Variants in CHST11 observed in about 807,000 individuals in gnomAD.
CHST11 encodes the protein carbohydrate sulfotransferase 11.
Under a neutral mutation model 30.4 loss-of-function variants are expected in CHST11, and 9 were observed. The ratio of observed to expected loss-of-function variants is 0.30; its 90% CI spans 0.18 to 0.52. CHST11 has a LOEUF of 0.52. Among genes scored for constraint, CHST11 ranks in the 20% least tolerant of loss-of-function variants. The probability of loss-of-function intolerance (pLI) is 0.97; values close to 1 mark genes in which losing one functional copy is unlikely to be tolerated. For synonymous variants in CHST11, 152 were observed against 187.8 expected (o/e 0.81, Z 1.56); for missense variants, 348 against 460.6 (o/e 0.76, Z 2.24).
chr12:104,720,105 C>T lies in CHST11; in HGVS notation c.205-36844C>T, dbSNP rs118169909. On this transcript the variant is annotated intron_variant, in intron 2 of 2. Coordinates refer to ENST00000303694, the MANE Select transcript of CHST11 (RefSeq NM_018413.6). ...TTGAATAAGTGGACTTGTCTAGTTTCGTAAACATTGCTGGCGGCATCCGGA... is the reference window on the plus strand; with the variant it reads ...TTGAATAAGTGGACTTGTCTAGTTTTGTAAACATTGCTGGCGGCATCCGGA... Among the ~76,000 whole-genome samples, 533 of 152,330 alleles carry T rather than the reference C, an allele frequency of 3.5e-3. 3 individuals are homozygous for T. The highest frequency in any genetic ancestry group is 4.4e-3 in the Admixed American group (68 of 15,300).
chr12:104,504,550 G>A (rs1023940007), intron 1 of CHST11, among the ~76,000 whole-genome samples: 1 of 152,226 alleles, frequency 6.6e-6, no homozygotes, highest in African/African-American at 2.4e-5. Context: ...GTAGGGAGGA[G>A]GCCTGGGGCA....
At chr12:104,620,136 G>A (rs892609219) in intron 2 of CHST11, among the ~76,000 whole-genome samples, 3 of 152,160 alleles carry the variant, frequency 2.0e-5, no homozygotes, top group Non-Finnish European at 4.4e-5. Flanking sequence ...CTTGAGACAT[G>A]TCCCCTAAAG....
At chr12:104,674,044 C>T (rs1263289366) in intron 2 of CHST11, among the ~76,000 whole-genome samples, 1 of 152,230 alleles carries the variant, frequency 6.6e-6, no homozygotes, top group Non-Finnish European at 1.5e-5. Flanking sequence ...TCGATTTCCT[C>T]CCCTGAGTCT....
At chr12:104,578,517 A>G (rs960898356) in intron 1 of CHST11, among the ~76,000 whole-genome samples, 14 of 151,992 alleles carry the variant, frequency 9.2e-5, no homozygotes, top group African/African-American at 3.4e-4. Context: ...CCCTGCCTCT[A>G]TTGTGATGAG....
chr12:104,568,175 C>T (rs182468196), intron 1 of CHST11, among the ~76,000 whole-genome samples: 264 of 152,218 alleles, frequency 1.7e-3, no homozygotes, highest in African/African-American at 5.9e-3. Context: ...TGTTTAGGGC[C>T]GGGGTCTTCC....
intron 2 of CHST11, among the ~76,000 whole-genome samples, chr12:104,739,288 G>C (rs2136137595): frequency 6.6e-6 from 1 of 152,332 alleles, no homozygotes; most frequent in South Asian, 2.1e-4. Flanking sequence ...CAGCAGCTTA[G>C]GGCAAAATTC....
chr12:104,531,690 C>A (rs74368207), intron 1 of CHST11, among the ~76,000 whole-genome samples: 11,441 of 152,146 alleles, frequency 0.075, 505 homozygotes, highest in Middle Eastern at 0.11. Context: ...CCCATAGTAT[C>A]CCTTGCTAGG....
rs534229059 is a variant in CHST11, at chr12:104,558,231, G to A, written c.119-43675G>A. On this transcript the variant is annotated intron_variant, in intron 1 of 2. Transcript: ENST00000303694. ...CTGGTGGGCATGCCAGGGCCAGAGCGGGACCTGTCGAAGCCTTCGCACCTG... is the reference window on the plus strand; with the variant it reads ...CTGGTGGGCATGCCAGGGCCAGAGCAGGACCTGTCGAAGCCTTCGCACCTG... Among the ~76,000 whole-genome samples the A allele has an allele frequency of 1.7e-3, 257 of 152,234 alleles. 1 individual carries two copies. The highest frequency in any genetic ancestry group is 2.5e-3 in the Non-Finnish European group (173 of 68,006).
intron 1 of CHST11, among the ~76,000 whole-genome samples, chr12:104,518,888 A>C (rs904280980): frequency 5.9e-5 from 9 of 152,080 alleles, no homozygotes; most frequent in Admixed American, 5.2e-4. Context: ...GTTTCTACTA[A>C]GTCCTTTCAT....
chr12:104,463,350 A>G (rs2037427386), intron 1 of CHST11, among the ~76,000 whole-genome samples: 1 of 152,150 alleles, frequency 6.6e-6, no homozygotes, highest in South Asian at 2.1e-4. Context: ...AAGGGGAGGC[A>G]GTTCTTCCTA....
chr12:104,513,270 T>C (rs1469459516), intron 1 of CHST11, among the ~76,000 whole-genome samples: 1 of 152,024 alleles, frequency 6.6e-6, no homozygotes, highest in Non-Finnish European at 1.5e-5. Context: ...CTGGTTGCAA[T>C]AATTTCAGAG....
intron 1 of CHST11, among the ~76,000 whole-genome samples, chr12:104,457,959 C>G (rs1254143148): frequency 2.6e-5 from 4 of 151,692 alleles, no homozygotes; most frequent in Non-Finnish European, 5.9e-5. Context: ...AAGAGTTACC[C>G]GGAGCCGGCT....
intron 2 of CHST11, among the ~76,000 whole-genome samples, chr12:104,682,838 C>G (rs1290830387): frequency 6.6e-6 from 1 of 152,210 alleles, no homozygotes; most frequent in Non-Finnish European, 1.5e-5. Context: ...AATCAGGTTC[C>G]AGATTTCAAC....
At chr12:104,694,526 C>G (rs757399186) in intron 2 of CHST11, among the ~76,000 whole-genome samples, 1 of 152,124 alleles carries the variant, frequency 6.6e-6, no homozygotes, top group Non-Finnish European at 1.5e-5. Context: ...CTTAAAAAAC[C>G]TGGGTGTGGT....
chr12:104,752,189 C>T (rs901613671), intron 2 of CHST11, among the ~76,000 whole-genome samples: 6 of 152,166 alleles, frequency 3.9e-5, no homozygotes, highest in African/African-American at 7.2e-5. Context: ...CTGGTGGTGG[C>T]CGGCAGTCCT....
chr12:104,495,058 C>T (rs979142805), intron 1 of CHST11, among the ~76,000 whole-genome samples: 1 of 152,166 alleles, frequency 6.6e-6, no homozygotes, highest in African/African-American at 2.4e-5. Context: ...ACTTCAGATG[C>T]GTGGAGTCAT....
intron 2 of CHST11, among the ~76,000 whole-genome samples, chr12:104,606,177 G>GGT (rs1555235924): frequency 7.5e-6 from 1 of 133,578 alleles, no homozygotes; most frequent in Non-Finnish European, 1.6e-5. Context: ...GCGGGGGGCG[G>GGT]GGGGGGGAAT....
intron 1 of CHST11, among the ~76,000 whole-genome samples, chr12:104,459,348 A>G (rs947800412): frequency 3.3e-5 from 5 of 152,046 alleles, no homozygotes; most frequent in African/African-American, 9.7e-5. Context: ...GTGTACAGAT[A>G]CACTCGGGTT....
rs550654822 is a variant in CHST11, at chr12:104,632,559, T to G, written c.204+30568T>G. 3.3e-5 allele frequency among the ~76,000 whole-genome samples: 5 copies of G among 152,254 alleles called. No individual in the cohort carries two copies. In the East Asian group the frequency reaches 9.7e-4, roughly 29 times the overall value. On this transcript the variant is annotated intron_variant, in intron 2 of 2. Transcript: ENST00000303694. ...TTCTCTAACTGTGGAATTTCAGAAATTGGCAAGCTGTCAGGGTTGGTCTGG... is the reference window on the plus strand; with the variant it reads ...TTCTCTAACTGTGGAATTTCAGAAAGTGGCAAGCTGTCAGGGTTGGTCTGG...
Sources: allele counts gnomAD v4.1 joint callset (sites outside exome capture counted in the v4.1 genomes callset), GRCh38; gene constraint gnomAD v4.1.1; transcripts MANE v1.5; gene names NCBI Gene and HGNC (gene_info 2026-07-23, HGNC 2026-07-21).